Variants in STPG2 observed in about 807,000 individuals in gnomAD.
STPG2 encodes sperm-tail PG-rich repeat-containing protein 2.
Under a neutral mutation model 54.2 loss-of-function variants are expected in STPG2, and 56 were observed. That is an observed-to-expected ratio of 1.03 (90% CI 0.83 to 1.29). STPG2 has a LOEUF of 1.29. Among genes scored for constraint, STPG2 ranks in the 50% most tolerant of loss-of-function variants. STPG2 has a pLI of 0.00. For missense variants in STPG2, 596 were observed against 544.9 expected, an observed-to-expected ratio of 1.09 and a Z score of -0.93; for synonymous variants, 200 against 181.8, an observed-to-expected ratio of 1.10 and a Z score of -0.81.
intron 7 of STPG2, among the ~76,000 whole-genome samples, chr4:97,955,008 T>C (rs1429194165): frequency 6.6e-6 from 1 of 152,094 alleles, no homozygotes; most frequent in African/African-American, 2.4e-5. Context: ...AAATCGTAAA[T>C]AATTTGTCCT....
chr4:97,727,120 A>G (rs1724649011), intron 9 of STPG2, among the ~76,000 whole-genome samples: 1 of 151,916 alleles, frequency 6.6e-6, no homozygotes, highest in Non-Finnish European at 1.5e-5. Context: ...TGAAAATTAG[A>G]CACATAATTA....
intron 8 of STPG2, among the ~76,000 whole-genome samples, chr4:97,879,104 C>T (rs1730279772): frequency 6.6e-6 from 1 of 152,190 alleles, no homozygotes; most frequent in South Asian, 2.1e-4. Context: ...TCATCTCCAT[C>T]TGAGACCTTT....
At chr4:97,617,539 G>A (rs547537953) in intron 10 of STPG2, among the ~76,000 whole-genome samples, 20 of 152,248 alleles carry the variant, frequency 1.3e-4, no homozygotes, top group African/African-American at 2.2e-4. Context: ...CTTTGGTGGC[G>A]TTAGTAGGTT....
chr4:97,519,974 T>C (rs866108663), intron 4 of STPG2, among the ~76,000 whole-genome samples: 19 of 152,094 alleles, frequency 1.2e-4, no homozygotes, highest in African/African-American at 4.3e-4. Flanking sequence ...TACCTAGTCT[T>C]TCTGTACCTC....
At chr4:97,981,024 TA>T (rs1734656043) in intron 6 of STPG2, 134 bp downstream of exon 6, 2 of 856,080 alleles carry the variant, frequency 2.3e-6, no homozygotes, top group African/African-American at 1.7e-5. Context: ...GTGAATGCTT[TA>T]AAAAATGTTG....
chr4:97,800,643 G>A (rs1243300569), intron 9 of STPG2, among the ~76,000 whole-genome samples: 1 of 152,328 alleles, frequency 6.6e-6, no homozygotes, highest in Admixed American at 6.5e-5. Context: ...ACCCACTTGA[G>A]GAGGCAGTCT....
chr4:97,879,458 G>T (rs564361645), intron 8 of STPG2, among the ~76,000 whole-genome samples: 3 of 152,124 alleles, frequency 2.0e-5, no homozygotes, highest in East Asian at 3.9e-4. Flanking sequence ...AAGGCAAAAG[G>T]CATGTCTTAC....
intron 1 of STPG2, among the ~76,000 whole-genome samples, chr4:98,141,160 G>A (rs1740271042): frequency 6.6e-6 from 1 of 152,056 alleles, no homozygotes; most frequent in Non-Finnish European, 1.5e-5. Context: ...CCTATATATA[G>A]TGGCTTACTT....
At chr4:97,521,469 T>C (rs1393617868) in intron 4 of STPG2, among the ~76,000 whole-genome samples, 1 of 151,978 alleles carries the variant, frequency 6.6e-6, no homozygotes, top group Non-Finnish European at 1.5e-5. Flanking sequence ...CCACTGTAGA[T>C]CATTTGGGAT....
rs1241239431 is a variant in STPG2, at chr4:98,143,446, A to G, written c.-296T>C. Among the ~76,000 whole-genome samples the G allele has an allele frequency of 6.6e-6, 1 of 152,144 alleles. No homozygotes were observed. Among genetic ancestry groups the G allele is most frequent in the African/African-American group, 2.4e-5 (1 of 41,438 alleles). ...ACGCCACCAAAATTGGGTATTAGGG[A>G]TTAGACGCTCGCCCCGGTGCTTCCG... On this transcript the variant is annotated 5_prime_UTR_variant, in exon 1 of 11. Transcript: ENST00000295268.
chr4:97,897,692 G>A (rs556954677), intron 8 of STPG2, among the ~76,000 whole-genome samples: 8 of 152,168 alleles, frequency 5.3e-5, no homozygotes, highest in Admixed American at 3.3e-4. Flanking sequence ...ATTGCTAGCT[G>A]CATGTATGTC....
intron 8 of STPG2, among the ~76,000 whole-genome samples, chr4:97,880,397 T>A (rs575827374): frequency 2.0e-5 from 3 of 152,226 alleles, no homozygotes; most frequent in South Asian, 2.1e-4. Context: ...TAGAAAGTCG[T>A]ACAGAATGAA....
At chr4:97,751,549 A>T (rs576155817) in intron 9 of STPG2, among the ~76,000 whole-genome samples, 4 of 151,952 alleles carry the variant, frequency 2.6e-5, no homozygotes, top group South Asian at 4.1e-4. Context: ...TATTTTTACG[A>T]GGAAATTTTT....
intron 10 of STPG2, among the ~76,000 whole-genome samples, chr4:97,611,529 C>A (rs1048357896): frequency 6.6e-6 from 1 of 151,682 alleles, no homozygotes; most frequent in African/African-American, 2.4e-5. Flanking sequence ...TACATTTAGG[C>A]CAACCATGTG....
chr4:97,606,238 C>A (rs1468758516), intron 10 of STPG2, among the ~76,000 whole-genome samples: 1 of 151,810 alleles, frequency 6.6e-6, no homozygotes, highest in Non-Finnish European at 1.5e-5. Flanking sequence ...AAAATGAACA[C>A]TATTTTCTAA....
At chr4:97,765,985 T>C (rs1300528306) in intron 9 of STPG2, among the ~76,000 whole-genome samples, 1 of 152,120 alleles carries the variant, frequency 6.6e-6, no homozygotes, top group Non-Finnish European at 1.5e-5. Context: ...GGGAACTTTC[T>C]AACTTGCAGA....
chr4:97,692,945 C>T (rs1316241319), intron 10 of STPG2, among the ~76,000 whole-genome samples: 1 of 152,058 alleles, frequency 6.6e-6, no homozygotes, highest in Non-Finnish European at 1.5e-5. Flanking sequence ...TCCAGTGAAA[C>T]TAAGCTTCAT....
chr4:97,689,196 A>G lies in STPG2; in HGVS notation c.1320+23503T>C, dbSNP rs550295558. 4.1e-3 allele frequency among the ~76,000 whole-genome samples: 625 copies of G among 152,252 alleles called. 3 individuals carry two copies. The highest frequency in any genetic ancestry group is 0.02 in the South Asian group (98 of 4,828). ...AAGGTTTTAAAAGAAATGATGTAAA[A>G]CTTTTTGTATTTATAAAAAGCTACT... On this transcript the variant is annotated intron_variant, in intron 10 of 10. Coordinates refer to ENST00000295268, the MANE Select transcript of STPG2 (RefSeq NM_174952.3).
At chr4:98,025,182 C>T (rs1214105541) in intron 5 of STPG2, among the ~76,000 whole-genome samples, 1 of 152,184 alleles carries the variant, frequency 6.6e-6, no homozygotes, top group African/African-American at 2.4e-5. Flanking sequence ...GTAATTTATA[C>T]AACAACTACT....
Sources: allele counts gnomAD v4.1 joint callset (sites outside exome capture counted in the v4.1 genomes callset), GRCh38; gene constraint gnomAD v4.1.1; transcripts MANE v1.5; gene names NCBI Gene and HGNC (gene_info 2026-07-23, HGNC 2026-07-21).